Variants in PAX3 observed in about 807,000 individuals in gnomAD.
The protein encoded by PAX3 is paired box protein Pax-3.
Under a neutral mutation model 51.6 loss-of-function variants are expected in PAX3, and 14 were observed. The ratio of observed to expected loss-of-function variants is 0.27; its 90% CI spans 0.18 to 0.42. The LOEUF is 0.42. Among genes scored for constraint, PAX3 ranks in the 10% least tolerant of loss-of-function variants. PAX3 has a pLI of 1.00. For missense variants in PAX3, 540 were observed against 642.8 expected (o/e 0.84, Z 1.73); for synonymous variants, 280 against 253.4 (o/e 1.11, Z -1.00).
chr2:222,295,067 C>T (rs1246982549), intron 3 of PAX3, among the ~76,000 whole-genome samples: 1 of 152,002 alleles, frequency 6.6e-6, no homozygotes, highest in African/African-American at 2.4e-5. Flanking sequence ...CCCCAGGCTG[C>T]CGTGGCGGGG....
At chr2:222,208,985 TCC>T (rs1019635216) in intron 7 of PAX3, among the ~76,000 whole-genome samples, 1 of 152,116 alleles carries the variant, frequency 6.6e-6, no homozygotes, top group African/African-American at 2.4e-5. Flanking sequence ...AACTTCACAG[TCC>T]CATTTGAGAC....
chr2:222,238,575 T>C (rs1574671464), intron 4 of PAX3, among the ~76,000 whole-genome samples: 1 of 152,176 alleles, frequency 6.6e-6, no homozygotes, highest in Non-Finnish European at 1.5e-5. Context: ...CTAGATATAA[T>C]ACAATGTGAT....
intron 4 of PAX3, among the ~76,000 whole-genome samples, chr2:222,267,176 T>C (rs754437363): frequency 6.6e-6 from 1 of 152,184 alleles, no homozygotes; most frequent in Non-Finnish European, 1.5e-5. Context: ...CAGCCTTCAC[T>C]CCTCATAGCA....
chr2:222,265,713 T>C (rs1417964133), intron 4 of PAX3, among the ~76,000 whole-genome samples: 1 of 114,488 alleles, frequency 8.7e-6, no homozygotes, highest in South Asian at 3.4e-4. Flanking sequence ...ATTTTGATTT[T>C]TCCTCTAACC....
chr2:222,231,926 G>A (rs564602698), intron 5 of PAX3, 152 bp downstream of exon 5: 2 of 736,598 alleles, frequency 2.7e-6, no homozygotes, highest in East Asian at 2.7e-5. Context: ...TATTCTGTCA[G>A]TAAATAATCA....
intron 7 of PAX3, 72 bp downstream of exon 7, chr2:222,220,068 C>T: frequency 7.5e-7 from 1 of 1,326,862 alleles, no homozygotes; most frequent in Non-Finnish European, 1.1e-6. Flanking sequence ...ATTCATTACA[C>T]TACTGCCTCA....
At chr2:222,231,874 C>T (rs535497285) in intron 5 of PAX3, among the ~76,000 whole-genome samples, 4 of 152,318 alleles carry the variant, frequency 2.6e-5, no homozygotes, top group African/African-American at 4.8e-5. Flanking sequence ...GAGTTAGTCA[C>T]ATGAAGTGGT....
intron 6 of PAX3, 39 bp from the exon 7 acceptor site, chr2:222,220,393 T>C: frequency 6.2e-7 from 1 of 1,601,390 alleles, no homozygotes; most frequent in Non-Finnish European, 8.6e-7. Flanking sequence ...TGTTTTCTTT[T>C]AGGCCAGCAG....
At position 222,200,831 on chromosome 2, in the gene PAX3, T is replaced by C. The variant is rs1364835771; in HGVS notation, c.*577A>G. ...TTTAGGAGGTCCTTTACAGCTAGTC[T>C]AGCTTCCTAAAAATGGTTGCATTTA... On this transcript the variant is annotated 3_prime_UTR_variant, in exon 9 of 9. Coordinates refer to ENST00000392070, the MANE Select transcript of PAX3 (RefSeq NM_181458.4). The C allele has an allele frequency of 8.0e-6, 3 of 373,746 alleles. No individual in the cohort carries two copies. Among genetic ancestry groups the C allele is most frequent in the African/African-American group, 6.1e-5 (3 of 49,176 alleles). The allele number at this position is 373,746 out of a possible 1,614,324, so 23.2% of individuals were successfully genotyped here. A position where few individuals can be genotyped will look rare whatever the true frequency, so the allele number is the denominator to read the frequency against.
intron 4 of PAX3, among the ~76,000 whole-genome samples, chr2:222,280,545 G>T (rs774024303): frequency 6.6e-6 from 1 of 152,084 alleles, no homozygotes; most frequent in Admixed American, 6.5e-5. Flanking sequence ...TACTTGCTTT[G>T]ACCTCCACAA....
At chr2:222,258,485 A>G (rs1199870719) in intron 4 of PAX3, among the ~76,000 whole-genome samples, 3 of 152,168 alleles carry the variant, frequency 2.0e-5, no homozygotes, top group African/African-American at 4.8e-5. Context: ...GCTTATATTC[A>G]CAGCCAGAAT....
chr2:222,202,499 C>T (rs1691337984), intron 7 of PAX3, among the ~76,000 whole-genome samples: 1 of 151,598 alleles, frequency 6.6e-6, no homozygotes, highest in African/African-American at 2.4e-5. Flanking sequence ...TAAAATCAGA[C>T]TGGAATTTCA....
chr2:222,268,844 T>C (rs1484726407), intron 4 of PAX3, among the ~76,000 whole-genome samples: 1 of 152,094 alleles, frequency 6.6e-6, no homozygotes, highest in African/African-American at 2.4e-5. Context: ...AAATGCCATA[T>C]TTGTGCCATA....
At chr2:222,263,565 C>A (rs375010874) in intron 4 of PAX3, 1 of 152,130 alleles carries the variant, frequency 6.6e-6, no homozygotes, top group African/African-American at 2.4e-5. Context: ...AACAGTCTGG[C>A]AGTTTCTTAT....
intron 4 of PAX3, among the ~76,000 whole-genome samples, chr2:222,261,111 A>G (rs1693846407): frequency 1.3e-5 from 2 of 152,180 alleles, no homozygotes; most frequent in Admixed American, 1.3e-4. Flanking sequence ...GTTTTTTCAA[A>G]GTAACCTGAA....
intron 7 of PAX3, among the ~76,000 whole-genome samples, chr2:222,218,708 G>C (rs1248845185): frequency 6.6e-6 from 1 of 152,104 alleles, no homozygotes. Flanking sequence ...ATTCACAAAT[G>C]CCAGTACTTG....
At chr2:222,251,094 T>A (rs1693413552) in intron 4 of PAX3, among the ~76,000 whole-genome samples, 1 of 152,042 alleles carries the variant, frequency 6.6e-6, no homozygotes, top group Non-Finnish European at 1.5e-5. Flanking sequence ...AATACATTTT[T>A]ATTTATTTAT....
chr2:222,274,752 C>T (rs187889008), intron 4 of PAX3, among the ~76,000 whole-genome samples: 5 of 152,262 alleles, frequency 3.3e-5, no homozygotes, highest in Admixed American at 1.3e-4. Context: ...AATCAATACT[C>T]AGATGGAGTA....
chr2:222,266,108 G>A (rs1385671084), intron 4 of PAX3, among the ~76,000 whole-genome samples: 1 of 152,054 alleles, frequency 6.6e-6, no homozygotes, highest in Non-Finnish European at 1.5e-5. Context: ...GTGAATATTT[G>A]TTTAGAACGG....
Sources: gnomAD v4.1 joint callset for allele counts (sites outside exome capture counted in the v4.1 genomes callset) on GRCh38, gnomAD v4.1.1 for gene constraint, MANE v1.5 for transcripts, NCBI Gene and HGNC (gene_info 2026-07-23, HGNC 2026-07-21) for gene names.